Variants in CRIM1 observed in about 807,000 individuals in gnomAD.
The protein encoded by CRIM1 is cysteine-rich motor neuron 1 protein.
In CRIM1, 32 loss-of-function variants were observed where a neutral mutation model predicts 116.4. The observed-to-expected ratio is 0.27, with a 90% confidence interval of 0.21 to 0.37. The LOEUF is 0.37. Ranked by LOEUF, CRIM1 falls within the 10% of genes least tolerant of loss-of-function variation. CRIM1 has a pLI of 1.00. For synonymous variants in CRIM1, 590 were observed against 509.2 expected (o/e 1.16, Z -2.13); for missense variants, 1,331 against 1,354.8 (o/e 0.98, Z 0.28).
rs183317390 is a variant in CRIM1 at position 36,427,457 on chromosome 2, A to T, written c.506-13801A>T. Among the ~76,000 whole-genome samples, 11 of 152,320 alleles carry T rather than the reference A, an allele frequency of 7.2e-5. No homozygotes were observed. The East Asian group carries it at 2.1e-3, about 29-fold the overall frequency. ...GCACTGTTTGAACTGTGAGGAAGCC[A>T]TGGCAGCATGAGAGGGTCTTGTAGA... On this transcript the variant is annotated intron_variant, in intron 2 of 16. Transcript: ENST00000280527.
intron 1 of CRIM1, among the ~76,000 whole-genome samples, chr2:36,363,537 C>CT (rs1280842083): frequency 7.0e-6 from 1 of 143,192 alleles, no homozygotes; most frequent in African/African-American, 2.5e-5. Context: ...CCGCCCCCCC[C>CT]CCCCATGACT....
intron 1 of CRIM1, among the ~76,000 whole-genome samples, chr2:36,387,652 A>G (rs1308441152): frequency 6.6e-6 from 1 of 152,216 alleles, no homozygotes; most frequent in East Asian, 1.9e-4. Context: ...TGGTGATTTA[A>G]AAAATTTCGG....
chr2:36,358,678 T>C (rs1371347709), intron 1 of CRIM1, among the ~76,000 whole-genome samples: 1 of 152,222 alleles, frequency 6.6e-6, no homozygotes, highest in Non-Finnish European at 1.5e-5. Context: ...TTTGTTGACA[T>C]GATTATATCT....
At chr2:36,467,515 A>G (rs762380444) in intron 5 of CRIM1, among the ~76,000 whole-genome samples, 2 of 152,260 alleles carry the variant, frequency 1.3e-5, no homozygotes, top group Non-Finnish European at 2.9e-5. Context: ...AAGATTCATT[A>G]TCATCACTTA....
chr2:36,404,979 G>C (rs185878659), intron 2 of CRIM1, among the ~76,000 whole-genome samples: 181 of 152,084 alleles, frequency 1.2e-3, no homozygotes, highest in African/African-American at 4.2e-3. Context: ...AAGCGTACGT[G>C]CTAAATTTTA....
chr2:36,542,972 C>T (rs1393728657), intron 14 of CRIM1, among the ~76,000 whole-genome samples: 1 of 152,150 alleles, frequency 6.6e-6, no homozygotes, highest in South Asian at 2.1e-4. Context: ...TGTGCTCAGG[C>T]CCCTGCACCT....
chr2:36,485,244 C>G (rs555694793), intron 7 of CRIM1, among the ~76,000 whole-genome samples: 1 of 152,190 alleles, frequency 6.6e-6, no homozygotes, highest in East Asian at 1.9e-4. Context: ...TTCCTGCCAC[C>G]TGGCTTTCTT....
intron 2 of CRIM1, among the ~76,000 whole-genome samples, chr2:36,430,144 A>G (rs998826982): frequency 6.6e-6 from 1 of 152,156 alleles, no homozygotes; most frequent in Non-Finnish European, 1.5e-5. Flanking sequence ...TGGTATTTTG[A>G]AATAGAAAAA....
chr2:36,404,015 A>G (rs1672604940), intron 2 of CRIM1, among the ~76,000 whole-genome samples: 1 of 152,150 alleles, frequency 6.6e-6, no homozygotes, highest in South Asian at 2.1e-4. Context: ...GATTAATGTG[A>G]CAGTAATGTG....
intron 2 of CRIM1, among the ~76,000 whole-genome samples, chr2:36,436,847 T>C (rs1285607412): frequency 6.6e-6 from 1 of 152,180 alleles, no homozygotes; most frequent in Non-Finnish European, 1.5e-5. Flanking sequence ...CCCCAAAATG[T>C]AGCTATGCAG....
chr2:36,445,176 A>G (rs764216063), intron 4 of CRIM1, among the ~76,000 whole-genome samples: 1 of 152,156 alleles, frequency 6.6e-6, no homozygotes, highest in Non-Finnish European at 1.5e-5. Context: ...AAGAAAAAGA[A>G]TGAATATTTT....
At chr2:36,394,599 C>T (rs1361116150) in intron 1 of CRIM1, among the ~76,000 whole-genome samples, 1 of 151,492 alleles carries the variant, frequency 6.6e-6, no homozygotes, top group African/African-American at 2.4e-5. Context: ...GTGTATGTTG[C>T]TTCTCTCTGT....
At chr2:36,489,491 A>C (rs536016554) in intron 7 of CRIM1, among the ~76,000 whole-genome samples, 1 of 152,304 alleles carries the variant, frequency 6.6e-6, no homozygotes, top group South Asian at 2.1e-4. Context: ...TTTATGTTAG[A>C]CGAATTCCAC....
chr2:36,403,652 A>G (rs942097160), intron 2 of CRIM1, among the ~76,000 whole-genome samples: 1 of 152,170 alleles, frequency 6.6e-6, no homozygotes, highest in Admixed American at 6.5e-5. Flanking sequence ...TCGGGGATGA[A>G]GAAAGGGAAG....
intron 6 of CRIM1, among the ~76,000 whole-genome samples, chr2:36,478,217 A>G (rs182435541): frequency 9.1e-4 from 138 of 152,354 alleles, no homozygotes; most frequent in Non-Finnish European, 1.7e-3. Context: ...TTTCCCTACT[A>G]GAGGTTATTT....
chr2:36,506,165 T>A (rs1681386732), intron 8 of CRIM1, among the ~76,000 whole-genome samples: 1 of 82,648 alleles, frequency 1.2e-5, no homozygotes, highest in African/African-American at 4.1e-5. Context: ...ACACTCTCTC[T>A]CTCTCTCTCT....
chr2:36,420,140 C>A (rs1301743561), intron 2 of CRIM1, among the ~76,000 whole-genome samples: 3 of 152,172 alleles, frequency 2.0e-5, no homozygotes, highest in Non-Finnish European at 4.4e-5. Flanking sequence ...TCTTTGATAA[C>A]CATGTCTTCC....
At chr2:36,415,162 A>C (rs1404919801) in intron 2 of CRIM1, among the ~76,000 whole-genome samples, 1 of 152,072 alleles carries the variant, frequency 6.6e-6, no homozygotes, top group Non-Finnish European at 1.5e-5. Flanking sequence ...TTGGGGGTAG[A>C]CTTCAGAGTG....
intron 12 of CRIM1, among the ~76,000 whole-genome samples, chr2:36,518,725 TTTG>T (rs1378426978): frequency 6.6e-6 from 1 of 152,208 alleles, no homozygotes; most frequent in Non-Finnish European, 1.5e-5. Flanking sequence ...GATTTCCTAA[TTTG>T]TTGTCATCAC....
Sources: gnomAD v4.1 joint callset for allele counts (sites outside exome capture counted in the v4.1 genomes callset) on GRCh38, gnomAD v4.1.1 for gene constraint, MANE v1.5 for transcripts, NCBI Gene and HGNC (gene_info 2026-07-23, HGNC 2026-07-21) for gene names.